THADA: variants seen among roughly 807,000 people sequenced by gnomAD.
THADA encodes the protein THADA armadillo repeat containing.
THADA carries 213 observed loss-of-function variants against 219.8 expected under a neutral mutation model. The observed-to-expected ratio is 0.97, with a 90% confidence interval of 0.87 to 1.09. THADA has a LOEUF of 1.09. Ranked by LOEUF, THADA falls within the 50% of genes least tolerant of loss-of-function variation. THADA has a pLI of 0.00. For missense variants in THADA, 2,956 were observed against 2,311.3 expected (o/e 1.28, Z -5.72); for synonymous variants, 1,018 against 828.9 (o/e 1.23, Z -3.92).
intron 25 of THADA, among the ~76,000 whole-genome samples, chr2:43,498,025 A>G (rs1469947715): frequency 6.6e-6 from 1 of 152,206 alleles, no homozygotes; most frequent in Non-Finnish European, 1.5e-5. Flanking sequence ...TTAAAAAAAG[A>G]AAATGTGGGA....
chr2:43,246,037 C>T (rs548096217), intron 36 of THADA, among the ~76,000 whole-genome samples: 51 of 151,602 alleles, frequency 3.4e-4, no homozygotes, highest in Middle Eastern at 3.4e-3. Context: ...CCTTACTAGG[C>T]GCCCGCCTCC....
chr2:43,366,719 T>C (rs746042342), intron 29 of THADA, among the ~76,000 whole-genome samples: 5 of 152,226 alleles, frequency 3.3e-5, no homozygotes, highest in East Asian at 1.9e-4. Context: ...GAAAACAGTA[T>C]GGTAGCTCCT....
chr2:43,248,863 T>A (rs1284477414), intron 36 of THADA, among the ~76,000 whole-genome samples: 1 of 152,182 alleles, frequency 6.6e-6, no homozygotes, highest in East Asian at 1.9e-4. Flanking sequence ...GTGTGTGCAG[T>A]GCTCTGGAGC....
chr2:43,230,987 C>G lies in THADA; in HGVS notation c.5823G>C (p.Ser1941=), dbSNP rs375058401. The part of the protein sequence containing the change: ...VLSVWDSYAE[S]RQLTLPRTEA... ...CTGTTCTTGGAAGAGTTAACTGCCT[C>G]GATTCTGCATAAGAGTCCCAAACAC... is the stretch of plus-strand genomic sequence containing the variant. The change falls in exon 38 of 38, where the codon TCG becomes TCC. Residue 1941 remains serine (S), a synonymous_variant. Transcript: ENST00000405975. 3 of 1,613,420 alleles carry G rather than the reference C, an allele frequency of 1.9e-6. No individual in the cohort carries two copies. The highest frequency in any genetic ancestry group is 2.2e-5 in the South Asian group (2 of 91,000).
intron 19 of THADA, among the ~76,000 whole-genome samples, chr2:43,550,893 A>G (rs529090435): frequency 1.3e-5 from 2 of 152,332 alleles, no homozygotes; most frequent in South Asian, 4.1e-4. Flanking sequence ...TAAGAGGCCA[A>G]GGCAGAAGGA....
rs148234757 is a variant in THADA, at chr2:43,306,847, A to G, written c.4438+13599T>C. The stretch of plus-strand genomic sequence containing the variant: ...TGCTTCCACCCTGGATGTGATGGCC[A>G]TTCATTTCTTTGTTCTTGCTATCAG... On this transcript the variant is annotated intron_variant, in intron 31 of 37. Coordinates refer to ENST00000405975, the MANE Select transcript of THADA (RefSeq NM_022065.5). Among the ~76,000 whole-genome samples, 805 of 152,324 alleles carry G rather than the reference A, an allele frequency of 5.3e-3. 3 individuals carry two copies. Among genetic ancestry groups the G allele is most frequent in the Middle Eastern group, 0.017 (5 of 294 alleles).
intron 8 of THADA, among the ~76,000 whole-genome samples, chr2:43,580,922 T>C (rs558906340): frequency 1.3e-5 from 2 of 151,978 alleles, no homozygotes; most frequent in East Asian, 1.9e-4. Flanking sequence ...TGAGATGCTA[T>C]TGTCTTCCAA....
At chr2:43,521,347 G>C (rs1692455969) in intron 22 of THADA, among the ~76,000 whole-genome samples, 2 of 152,170 alleles carry the variant, frequency 1.3e-5, no homozygotes, top group South Asian at 4.1e-4. Context: ...CTGAGGTCAG[G>C]AGTTCAAGAC....
At chr2:43,300,615 G>C (rs1449043823) in intron 31 of THADA, among the ~76,000 whole-genome samples, 4 of 152,180 alleles carry the variant, frequency 2.6e-5, no homozygotes, top group Admixed American at 6.5e-5. Context: ...TGGGAGAGGA[G>C]AGGAAAGGGC....
intron 34 of THADA, among the ~76,000 whole-genome samples, chr2:43,287,278 AGAC>A (rs961175045): frequency 6.6e-6 from 1 of 152,166 alleles, no homozygotes; most frequent in Non-Finnish European, 1.5e-5. Context: ...CACTATGACT[AGAC>A]AACAAGTTCC....
intron 31 of THADA, among the ~76,000 whole-genome samples, chr2:43,298,002 G>A (rs1205733479): frequency 1.8e-5 from 2 of 112,504 alleles, no homozygotes; most frequent in Non-Finnish European, 3.5e-5. Context: ...GGGAGTGTGG[G>A]GGGGGTCAGC....
chr2:43,435,198 T>C (rs781503785), intron 26 of THADA, among the ~76,000 whole-genome samples: 12 of 152,200 alleles, frequency 7.9e-5, no homozygotes, highest in Admixed American at 2.0e-4. Context: ...CTCACGACTG[T>C]AATCCGAGCA....
chr2:43,392,834 C>T (rs1256318918), intron 29 of THADA, among the ~76,000 whole-genome samples: 1 of 152,180 alleles, frequency 6.6e-6, no homozygotes, highest in East Asian at 1.9e-4. Flanking sequence ...CCACAGCTCT[C>T]TTTAAGTTTG....
chr2:43,552,482 G>T, intron 17 of THADA, 143 bp from the exon 18 acceptor site: 4 of 941,004 alleles, frequency 4.3e-6, no homozygotes, highest in Non-Finnish European at 6.1e-6. Context: ...GATCTTTCAG[G>T]GTTATCCAAC....
intron 30 of THADA, among the ~76,000 whole-genome samples, chr2:43,336,396 C>T (rs541408760): frequency 1.3e-5 from 2 of 152,114 alleles, no homozygotes; most frequent in East Asian, 1.9e-4. Context: ...CTCAGCCTCC[C>T]GAGTAGCTGG....
intron 36 of THADA, among the ~76,000 whole-genome samples, chr2:43,267,763 T>C (rs1462809963): frequency 1.3e-5 from 2 of 152,198 alleles, no homozygotes; most frequent in Admixed American, 6.5e-5. Flanking sequence ...CCCCTAATCA[T>C]ACGGACCATC....
intron 28 of THADA, among the ~76,000 whole-genome samples, chr2:43,409,186 T>C (rs1675967589): frequency 6.6e-6 from 1 of 152,232 alleles, no homozygotes; most frequent in Non-Finnish European, 1.5e-5. Context: ...GTATTTCTTT[T>C]AATTTGATTA....
intron 26 of THADA, among the ~76,000 whole-genome samples, chr2:43,449,549 A>G (rs1682043951): frequency 6.6e-6 from 1 of 152,178 alleles, no homozygotes; most frequent in South Asian, 2.1e-4. Flanking sequence ...AGACAAAGAG[A>G]TAAGCTTGAA....
chr2:43,468,643 G>C (rs1284276207), intron 26 of THADA, among the ~76,000 whole-genome samples: 3 of 152,088 alleles, frequency 2.0e-5, no homozygotes, highest in African/African-American at 7.2e-5. Context: ...AGCGCTTTAG[G>C]ATGGGCAAAA....
Sources: allele counts gnomAD v4.1 joint callset (sites outside exome capture counted in the v4.1 genomes callset), GRCh38; gene constraint gnomAD v4.1.1; transcripts MANE v1.5; gene names NCBI Gene and HGNC (gene_info 2026-07-23, HGNC 2026-07-21).